Variants in SATL1 observed in about 807,000 individuals in gnomAD.
SATL1 encodes the protein spermidine/spermine N(1)-acetyltransferase-like protein 1.
SATL1 carries 47 observed loss-of-function variants against 51.8 expected under a neutral mutation model. That is an observed-to-expected ratio of 0.91 (90% CI 0.72 to 1.16). The LOEUF (loss-of-function observed/expected upper bound fraction) is 1.16. Ranked by LOEUF, SATL1 falls within the 50% of genes most tolerant of loss-of-function variation. The probability of loss-of-function intolerance (pLI) is 0.00; values close to 1 mark genes in which losing one functional copy is unlikely to be tolerated. For synonymous variants in SATL1, 176 were observed against 182.4 expected, an observed-to-expected ratio of 0.97 and a Z score of 0.28; for missense variants, 520 against 526.4, an observed-to-expected ratio of 0.99 and a Z score of 0.12.
chrX:85,150,685 C>T (rs1222644882), intron 2 of SATL1, among the ~76,000 whole-genome samples: 1 of 111,469 alleles, frequency 9.0e-6, no homozygotes, highest in Admixed American at 9.6e-5. Context: ...AAACATAATC[C>T]AGCATATAAA....
chrX:85,143,169 T>G (rs978969276), intron 2 of SATL1, among the ~76,000 whole-genome samples: 1 of 112,357 alleles, frequency 8.9e-6, no homozygotes, highest in African/African-American at 3.2e-5. Flanking sequence ...TAAATGGCTA[T>G]GACTGAACTC....
chrX:85,216,486 G>T (rs1164580354), intron 2 of SATL1, among the ~76,000 whole-genome samples: 3 of 111,262 alleles, frequency 2.7e-5, no homozygotes. Flanking sequence ...TTTGTTGGGA[G>T]AATCCACTTC....
intron 4 of SATL1, among the ~76,000 whole-genome samples, chrX:85,100,946 G>A (rs1410806150): frequency 4.5e-5 from 5 of 111,639 alleles, no homozygotes; most frequent in East Asian, 2.8e-4. Flanking sequence ...CCATTCATGG[G>A]GAAAAGGACC....
At chrX:85,161,479 TAAAA>T (rs375382557) in intron 2 of SATL1, among the ~76,000 whole-genome samples, 1 of 59,526 alleles carries the variant, frequency 1.7e-5, no homozygotes, top group African/African-American at 4.8e-5. Context: ...GCCAAGCAAA[TAAAA>T]AAAAAAAAAA....
intron 2 of SATL1, chrX:85,211,698 C>T (rs752406958): frequency 1.1e-3 from 122 of 111,272 alleles, no homozygotes; most frequent in Admixed American, 4.6e-3. Flanking sequence ...TGCACTTACT[C>T]TTCAGTGGGC....
chrX:85,113,322 T>A (rs754614399), intron 2 of SATL1, among the ~76,000 whole-genome samples: 1 of 111,737 alleles, frequency 8.9e-6, no homozygotes, highest in Non-Finnish European at 1.9e-5. Flanking sequence ...AGGCTGCAGA[T>A]AGCTCAAAAA....
intron 1 of SATL1, among the ~76,000 whole-genome samples, chrX:85,239,464 C>T (rs773002400): frequency 3.0e-4 from 34 of 111,605 alleles, no homozygotes; most frequent in Non-Finnish European, 6.0e-4. Flanking sequence ...TATAGATTAA[C>T]ACAATATCAA....
chrX:85,116,673 G>C (rs1421993632), intron 2 of SATL1, among the ~76,000 whole-genome samples: 1 of 111,312 alleles, frequency 9.0e-6, no homozygotes, highest in Non-Finnish European at 1.9e-5. Context: ...GTATTTCAGA[G>C]AAACAGTTAA....
At chrX:85,173,231 G>A (rs910153274) in intron 2 of SATL1, among the ~76,000 whole-genome samples, 1 of 110,595 alleles carries the variant, frequency 9.0e-6, no homozygotes, top group Non-Finnish European at 1.9e-5. Flanking sequence ...ATTATTTACT[G>A]GACTGTACAA....
At chrX:85,196,512 T>G (rs1306677189) in intron 2 of SATL1, among the ~76,000 whole-genome samples, 1 of 110,779 alleles carries the variant, frequency 9.0e-6, no homozygotes, top group Non-Finnish European at 1.9e-5. Flanking sequence ...CAAAACAATC[T>G]TGAAAAAGAG....
chrX:85,112,675 C>T (rs1170617313), intron 2 of SATL1, among the ~76,000 whole-genome samples: 1 of 111,429 alleles, frequency 9.0e-6, no homozygotes, highest in Non-Finnish European at 1.9e-5. Flanking sequence ...TCAGACTCTG[C>T]CATTTTGCCT....
chrX:85,140,642 C>A (rs1303638227), intron 2 of SATL1, among the ~76,000 whole-genome samples: 1 of 111,935 alleles, frequency 8.9e-6, no homozygotes, highest in Non-Finnish European at 1.9e-5. Context: ...ACACTGAATT[C>A]CCCCTTATAC....
At chrX:85,126,409 C>T (rs1281306984) in intron 2 of SATL1, among the ~76,000 whole-genome samples, 1 of 110,954 alleles carries the variant, frequency 9.0e-6, no homozygotes, top group Non-Finnish European at 1.9e-5. Flanking sequence ...ACCAATAATC[C>T]TATAATATTG....
chrX:85,168,310 T>C (rs1164518462), intron 2 of SATL1, among the ~76,000 whole-genome samples: 2 of 111,133 alleles, frequency 1.8e-5, no homozygotes, highest in Non-Finnish European at 3.8e-5. Flanking sequence ...ATAAAGGAGA[T>C]TCAAATAGTA....
chrX:85,132,705 C>G (rs1925841135), intron 2 of SATL1, among the ~76,000 whole-genome samples: 1 of 111,912 alleles, frequency 8.9e-6, no homozygotes, highest in African/African-American at 3.2e-5. Flanking sequence ...TGGCATGGAG[C>G]TGCTATCCTT....
chrX:85,096,053 GA>G (rs1193073585), intron 4 of SATL1, among the ~76,000 whole-genome samples: 6 of 110,360 alleles, frequency 5.4e-5, no homozygotes, highest in Non-Finnish European at 7.6e-5. Flanking sequence ...TCATTCAAAG[GA>G]ATAAAATACA....
chrX:85,159,561 C>A (rs1178757975), intron 2 of SATL1, among the ~76,000 whole-genome samples: 1 of 111,674 alleles, frequency 9.0e-6, no homozygotes, highest in Non-Finnish European at 1.9e-5. Flanking sequence ...AAACTGGTCC[C>A]TGGTGCCAAA....
chrX:85,216,152 G>T (rs1376694487), intron 2 of SATL1, among the ~76,000 whole-genome samples: 1 of 111,090 alleles, frequency 9.0e-6, no homozygotes, highest in African/African-American at 3.3e-5. Context: ...CAAGAGCAGG[G>T]AGGTGACAGG....
At chrX:85,193,391 G>C (rs933123634) in intron 2 of SATL1, among the ~76,000 whole-genome samples, 2 of 111,748 alleles carry the variant, frequency 1.8e-5, no homozygotes, top group African/African-American at 6.5e-5. Context: ...AGATAATCCA[G>C]GCAATGGCAA....
Sources: gnomAD v4.1 joint callset for allele counts (sites outside exome capture counted in the v4.1 genomes callset) on GRCh38, gnomAD v4.1.1 for gene constraint, MANE v1.5 for transcripts, NCBI Gene and HGNC (gene_info 2026-07-23, HGNC 2026-07-21) for gene names.